The following LMO7 variants were observed in gnomAD, a reference collection of about 807,000 sequenced individuals.
LMO7 encodes LIM domain 7, also known as LIM domain only protein 7.
Under a neutral mutation model 206.5 loss-of-function variants are expected in LMO7, and 120 were observed. The observed-to-expected ratio is 0.58, with a 90% CI of 0.50 to 0.68. LMO7 has a LOEUF of 0.68. Among genes scored for constraint, LMO7 ranks in the 30% least tolerant of loss-of-function variants. LMO7 has a pLI of 0.00. For synonymous variants in LMO7, 706 were observed against 681.5 expected (o/e 1.04, Z -0.56); for missense variants, 1,959 against 1,957.9 (o/e 1.00, Z -0.01).
At position 75,704,975 on chromosome 13, in the gene LMO7, T is replaced by A. The variant is rs187302622; in HGVS notation, c.70-8207T>A. The stretch of plus-strand genomic sequence containing the variant: ...ATTGCCTTAATATTTATCTGATAGA[T>A]ATTTTCTTCTACAGAACCTGTTTTT... On this transcript the variant is annotated intron_variant, in intron 1 of 30. Transcript: ENST00000377534. Among the ~76,000 whole-genome samples, 31 of 152,372 alleles carry A rather than the reference T, an allele frequency of 2.0e-4. No homozygotes were observed. The East Asian group carries it at 6.0e-3, about 29-fold the overall frequency.
chr13:75,780,451 C>T lies in LMO7; in HGVS notation c.318-14950C>T, dbSNP rs548813505. Among the ~76,000 whole-genome samples the T allele has an allele frequency of 4.5e-4, 69 of 152,270 alleles. 1 individual carries two copies. The South Asian group carries it at 8.7e-3, about 19-fold the overall frequency. On this transcript the variant is annotated intron_variant, in intron 4 of 30. Coordinates refer to ENST00000377534, the MANE Select transcript of LMO7 (RefSeq NM_001306080.2). The stretch of plus-strand genomic sequence containing the variant: ...GAAGAAGAGAAATATGACTCTGTTC[C>T]GCCCGGCCCTGCAGGCAGTCAGACT...
chr13:75,736,893 T>C (rs1185917824), intron 3 of LMO7, among the ~76,000 whole-genome samples: 1 of 152,314 alleles, frequency 6.6e-6, no homozygotes. Context: ...CTGATACATA[T>C]AGGAGATCAA....
intron 4 of LMO7, among the ~76,000 whole-genome samples, chr13:75,775,880 A>G (rs190458664): frequency 3.6e-4 from 54 of 151,938 alleles, no homozygotes; most frequent in Middle Eastern, 3.4e-3. Flanking sequence ...GTAAATTAGT[A>G]CAACCTCTAT....
At chr13:75,700,684 A>T (rs1486546372) in intron 1 of LMO7, among the ~76,000 whole-genome samples, 1 of 152,222 alleles carries the variant, frequency 6.6e-6, no homozygotes, top group Non-Finnish European at 1.5e-5. Flanking sequence ...CACTGTGGTC[A>T]ACAGCCGATC....
At chr13:75,672,458 C>T (rs1488618951) in intron 1 of LMO7, among the ~76,000 whole-genome samples, 1 of 152,112 alleles carries the variant, frequency 6.6e-6, no homozygotes, top group Non-Finnish European at 1.5e-5. Context: ...CCAGGCTGGT[C>T]TCGAACTCCC....
chr13:75,713,061 A>G, intron 1 of LMO7, 121 bp from the exon 2 acceptor site: 1 of 565,034 alleles, frequency 1.8e-6, no homozygotes, highest in Non-Finnish European at 3.0e-6. Context: ...AGGATATAAC[A>G]GTCTATATAT....
chr13:75,672,374 T>C (rs1034428442), intron 1 of LMO7, among the ~76,000 whole-genome samples: 1 of 151,840 alleles, frequency 6.6e-6, no homozygotes, highest in Non-Finnish European at 1.5e-5. Flanking sequence ...CCTGAGTAGC[T>C]GGGATTACAG....
chr13:75,767,004 C>T (rs765177319), intron 4 of LMO7, among the ~76,000 whole-genome samples: 2 of 152,020 alleles, frequency 1.3e-5, no homozygotes, highest in African/African-American at 2.4e-5. Context: ...GTTTCAGTTG[C>T]CTTTTACTTA....
chr13:75,823,344 G>A (rs377411396), intron 14 of LMO7, among the ~76,000 whole-genome samples: 10 of 152,246 alleles, frequency 6.6e-5, no homozygotes, highest in African/African-American at 1.9e-4. Context: ...AGCAAATTTC[G>A]GAAGTTTGTA....
chr13:75,647,225 A>G (rs2037111627), intron 1 of LMO7, among the ~76,000 whole-genome samples: 1 of 152,236 alleles, frequency 6.6e-6, no homozygotes. Flanking sequence ...TGGGAAAAGT[A>G]AGTGGATGAA....
In LMO7 at chr13:75,684,536, C is replaced by T. The variant is rs9544023; in HGVS notation, c.70-28646C>T. Among the ~76,000 whole-genome samples, 5 of 149,048 alleles carry T rather than the reference C, an allele frequency of 3.4e-5. No homozygotes were observed. In the East Asian group the frequency reaches 8.0e-4, roughly 24 times the overall value. On this transcript the variant is annotated intron_variant, in intron 1 of 30. Transcript: ENST00000377534. ...CTGGGATTACAGGCGTGAGCCACTG[C>T]GCCCGGCCGGCTTTTTTTTTTTTTT...
At chr13:75,767,648 T>G (rs1345336259) in intron 4 of LMO7, among the ~76,000 whole-genome samples, 1 of 152,052 alleles carries the variant, frequency 6.6e-6, no homozygotes, top group African/African-American at 2.4e-5. Flanking sequence ...ACAGAGAAAC[T>G]TGAAGATTTC....
chr13:75,771,593 A>AAAGACTT (rs2049741674), intron 4 of LMO7, among the ~76,000 whole-genome samples: 1 of 152,154 alleles, frequency 6.6e-6, no homozygotes, highest in African/African-American at 2.4e-5. Context: ...ATTAGTAAGT[A>AAAGACTT]TATTTTATTT....
chr13:75,814,864 A>T (rs945267085), intron 11 of LMO7, among the ~76,000 whole-genome samples: 1 of 152,148 alleles, frequency 6.6e-6, no homozygotes, highest in African/African-American at 2.4e-5. Context: ...TTCCAGGCAG[A>T]TTGAATAGTA....
At chr13:75,682,461 C>G (rs879265372) in intron 1 of LMO7, among the ~76,000 whole-genome samples, 2 of 151,924 alleles carry the variant, frequency 1.3e-5, no homozygotes, top group African/African-American at 2.4e-5. Context: ...GGATGGGGTG[C>G]CTCTTTTTTG....
chr13:75,809,108 G>T, intron 10 of LMO7, 46 bp from the exon 11 acceptor site: 1 of 1,465,608 alleles, frequency 6.8e-7, no homozygotes, highest in South Asian at 1.1e-5. Context: ...AAACTAATAT[G>T]ACTGGGAAAA....
intron 2 of LMO7, among the ~76,000 whole-genome samples, chr13:75,628,794 C>T (rs2034534226): frequency 1.3e-5 from 2 of 152,190 alleles, no homozygotes; most frequent in Admixed American, 6.5e-5. Flanking sequence ...TTTGTCCACA[C>T]ACCATTCAGC....
At chr13:75,680,227 C>A (rs996783170) in intron 1 of LMO7, among the ~76,000 whole-genome samples, 4 of 152,224 alleles carry the variant, frequency 2.6e-5, no homozygotes, top group Non-Finnish European at 5.9e-5. Flanking sequence ...AGGGCATGAT[C>A]TCGTTCCCTT....
intron 1 of LMO7, among the ~76,000 whole-genome samples, chr13:75,646,564 T>C (rs1345138735): frequency 6.8e-6 from 1 of 147,660 alleles, no homozygotes; most frequent in East Asian, 2.0e-4. Context: ...GTTACTCAGA[T>C]GTAGAGAGAA....
Sources: gnomAD v4.1 joint callset for allele counts (sites outside exome capture counted in the v4.1 genomes callset) on GRCh38, gnomAD v4.1.1 for gene constraint, MANE v1.5 for transcripts, NCBI Gene and HGNC (gene_info 2026-07-23, HGNC 2026-07-21) for gene names.